Variants in TENM4 observed in about 807,000 individuals in gnomAD.
TENM4 encodes the protein teneurin transmembrane protein 4.
TENM4 carries 82 observed loss-of-function variants against 243.3 expected under a neutral mutation model. The observed-to-expected ratio is 0.34, with a 90% CI of 0.28 to 0.40. The LOEUF is 0.40. Ranked by LOEUF, TENM4 falls within the 10% of genes least tolerant of loss-of-function variation. The pLI is 1.00. For missense variants in TENM4, 3,138 were observed against 3,673.3 expected, an observed-to-expected ratio of 0.85 and a Z score of 3.77; for synonymous variants, 1,412 against 1,456.3, an observed-to-expected ratio of 0.97 and a Z score of 0.69.
intron 6 of TENM4, among the ~76,000 whole-genome samples, chr11:79,009,877 C>T (rs1396639978): frequency 1.3e-5 from 2 of 152,108 alleles, no homozygotes; most frequent in African/African-American, 4.8e-5. Flanking sequence ...TAATGATCCC[C>T]ACATGTCATG....
intron 1 of TENM4, among the ~76,000 whole-genome samples, chr11:79,427,774 T>A (rs996004277): frequency 3.9e-5 from 6 of 152,182 alleles, no homozygotes; most frequent in African/African-American, 1.4e-4. Flanking sequence ...GTAATAAAAA[T>A]CACTGCCTAT....
At chr11:78,902,904 C>T (rs1019158295) in intron 7 of TENM4, among the ~76,000 whole-genome samples, 1 of 152,150 alleles carries the variant, frequency 6.6e-6, no homozygotes, top group African/African-American at 2.4e-5. Context: ...TGCTGTTGGT[C>T]ACACATCTGT....
chr11:79,330,415 T>A (rs1237382181), intron 1 of TENM4, among the ~76,000 whole-genome samples: 1 of 152,144 alleles, frequency 6.6e-6, no homozygotes, highest in African/African-American at 2.4e-5. Flanking sequence ...GGCAGGGGGC[T>A]AGGGGGAAAA....
intron 4 of TENM4, among the ~76,000 whole-genome samples, chr11:79,075,462 T>C (rs978389324): frequency 2.0e-5 from 3 of 152,222 alleles, no homozygotes; most frequent in Non-Finnish European, 4.4e-5. Context: ...TTGTAAACTG[T>C]AATGTACTAA....
intron 18 of TENM4, among the ~76,000 whole-genome samples, chr11:78,765,918 T>C (rs1856530833): frequency 1.3e-5 from 2 of 151,906 alleles, no homozygotes; most frequent in Non-Finnish European, 1.5e-5. Flanking sequence ...ACACAGAAAA[T>C]GAAAAAGATG....
At chr11:79,184,245 G>T (rs1237462371) in intron 3 of TENM4, among the ~76,000 whole-genome samples, 2 of 152,178 alleles carry the variant, frequency 1.3e-5, no homozygotes, top group African/African-American at 2.4e-5. Flanking sequence ...TTTGGTACCA[G>T]GGACTGGTTT....
chr11:79,081,334 G>A (rs774328200), intron 4 of TENM4, among the ~76,000 whole-genome samples: 3 of 152,142 alleles, frequency 2.0e-5, no homozygotes, highest in African/African-American at 7.2e-5. Flanking sequence ...TGGCTTCTCC[G>A]GGTGCCATCA....
At chr11:79,201,042 C>G (rs1284966796) in intron 3 of TENM4, among the ~76,000 whole-genome samples, 1 of 152,206 alleles carries the variant, frequency 6.6e-6, no homozygotes, top group African/African-American at 2.4e-5. Flanking sequence ...CAGGAAGAAT[C>G]TTTTGTTCCA....
intron 2 of TENM4, among the ~76,000 whole-genome samples, chr11:79,270,014 C>G (rs986996424): frequency 6.6e-6 from 1 of 152,212 alleles, no homozygotes; most frequent in East Asian, 1.9e-4. Flanking sequence ...TCCAGGGCCT[C>G]GCAGAGAAGC....
At chr11:79,109,739 T>A (rs1044634107) in intron 4 of TENM4, among the ~76,000 whole-genome samples, 9 of 152,232 alleles carry the variant, frequency 5.9e-5, no homozygotes, top group Admixed American at 1.3e-4. Flanking sequence ...CTCAGATATC[T>A]TTAGCCTAGT....
chr11:79,017,468 A>G (rs537704597), intron 6 of TENM4, among the ~76,000 whole-genome samples: 4 of 152,236 alleles, frequency 2.6e-5, no homozygotes, highest in African/African-American at 9.6e-5. Flanking sequence ...CTGAATTTTA[A>G]AAAAGGGAAA....
chr11:79,019,260 AG>A (rs776869351), intron 6 of TENM4, among the ~76,000 whole-genome samples: 3 of 152,196 alleles, frequency 2.0e-5, no homozygotes, highest in Non-Finnish European at 4.4e-5. Context: ...GACGGCAGCA[AG>A]GCAGAAGAAA....
chr11:78,929,421 C>G (rs1856623183), intron 6 of TENM4, among the ~76,000 whole-genome samples: 1 of 152,162 alleles, frequency 6.6e-6, no homozygotes, highest in Non-Finnish European at 1.5e-5. Context: ...CTCTTTGCAA[C>G]TGATTTAATC....
At chr11:79,217,785 T>C (rs1358592138) in intron 2 of TENM4, among the ~76,000 whole-genome samples, 4 of 151,878 alleles carry the variant, frequency 2.6e-5, no homozygotes, top group African/African-American at 9.7e-5. Flanking sequence ...TGCAGTGGCA[T>C]GATCTCAGCT....
At chr11:79,437,462 T>C (rs986354952) in intron 1 of TENM4, among the ~76,000 whole-genome samples, 4 of 152,016 alleles carry the variant, frequency 2.6e-5, no homozygotes, top group African/African-American at 9.7e-5. Context: ...CGCTTGCGGC[T>C]GGAACTTGGC....
At chr11:78,727,591 A>C (rs532362163) in intron 22 of TENM4, among the ~76,000 whole-genome samples, 2 of 152,308 alleles carry the variant, frequency 1.3e-5, no homozygotes, top group East Asian at 3.9e-4. Context: ...AGTCATTTAC[A>C]GTGAATATAT....
chr11:79,026,616 G>A (rs1859087242), intron 6 of TENM4, among the ~76,000 whole-genome samples: 1 of 152,110 alleles, frequency 6.6e-6, no homozygotes, highest in South Asian at 2.1e-4. Flanking sequence ...TCTACTTTGG[G>A]TCAGGCACTG....
chr11:79,085,234 G>T (rs1206440477), intron 4 of TENM4, among the ~76,000 whole-genome samples: 1 of 151,948 alleles, frequency 6.6e-6, no homozygotes, highest in East Asian at 1.9e-4. Flanking sequence ...AAAATTAGCG[G>T]GGTGTGGTGG....
intron 20 of TENM4, among the ~76,000 whole-genome samples, chr11:78,737,807 G>A (rs1044383855): frequency 5.9e-5 from 9 of 152,154 alleles, no homozygotes; most frequent in Non-Finnish European, 8.8e-5. Context: ...GAATCAAAGT[G>A]GGGTGGGGAA....
Sources: allele counts gnomAD v4.1 joint callset (sites outside exome capture counted in the v4.1 genomes callset), GRCh38; gene constraint gnomAD v4.1.1; transcripts MANE v1.5; gene names NCBI Gene and HGNC (gene_info 2026-07-23, HGNC 2026-07-21).